GNG7: variants seen among roughly 807,000 people sequenced by gnomAD.
GNG7 encodes the protein guanine nucleotide-binding protein G(I)/G(S)/G(O) subunit gamma-7.
Under a neutral mutation model 4.0 loss-of-function variants are expected in GNG7, and 1 was observed. The ratio of observed to expected loss-of-function variants is 0.25; its 90% CI spans 0.09 to 1.18. The LOEUF (loss-of-function observed/expected upper bound fraction) is 1.18. Among genes scored for constraint, GNG7 ranks in the 50% most tolerant of loss-of-function variants. GNG7 has a pLI of 0.50. For missense variants in GNG7, 86 were observed against 91.9 expected, an observed-to-expected ratio of 0.94 and a Z score of 0.26; for synonymous variants, 34 against 36.9, an observed-to-expected ratio of 0.92 and a Z score of 0.29.
At chr19:2,650,022 C>T (rs1477895030) in intron 1 of GNG7, among the ~76,000 whole-genome samples, 1 of 152,016 alleles carries the variant, frequency 6.6e-6, no homozygotes, top group Non-Finnish European at 1.5e-5. Flanking sequence ...CATGCTGTGA[C>T]CTGTGTCAAA....
intron 2 of GNG7, among the ~76,000 whole-genome samples, chr19:2,616,203 G>C (rs1263333910): frequency 6.6e-6 from 1 of 152,158 alleles, no homozygotes; most frequent in East Asian, 1.9e-4. Context: ...GAGCTCAGGA[G>C]TTCAAAACCA....
chr19:2,542,178 G>C (rs929235565), intron 3 of GNG7, among the ~76,000 whole-genome samples: 1 of 142,792 alleles, frequency 7.0e-6, no homozygotes, highest in Admixed American at 7.4e-5. Flanking sequence ...GCAATGGCGT[G>C]ATCTCGGCTC....
chr19:2,550,910 G>T (rs1979296795), intron 3 of GNG7, among the ~76,000 whole-genome samples: 1 of 152,200 alleles, frequency 6.6e-6, no homozygotes, highest in Non-Finnish European at 1.5e-5. Context: ...GTCAGTGGTG[G>T]GGATGGCCCG....
At chr19:2,565,835 C>T (rs538260519) in intron 2 of GNG7, among the ~76,000 whole-genome samples, 156 of 152,190 alleles carry the variant, frequency 1.0e-3, no homozygotes, top group Middle Eastern at 6.8e-3. Context: ...CTGCAGGGGA[C>T]GGGCGGAATG....
chr19:2,546,699 G>A lies in GNG7; in HGVS notation c.-38+8450C>T, dbSNP rs1331708129. ...GCCGGCTTGTTCAGACAAAGAGGCC[G>A]CGACGACAGAGGGTGACGCGCCGCC... On this transcript the variant is annotated intron_variant, in intron 3 of 4. Transcript: ENST00000382159. The surrounding 1 kb of genome is among the most constrained non-coding windows in gnomAD (Gnocchi z 6.3). Among the ~76,000 whole-genome samples the A allele has an allele frequency of 2.0e-5, 3 of 152,178 alleles. No individual in the cohort carries two copies. The highest frequency in any genetic ancestry group is 6.5e-5 in the Admixed American group (1 of 15,270).
At chr19:2,641,427 A>G (rs1019822975) in intron 2 of GNG7, among the ~76,000 whole-genome samples, 1 of 151,932 alleles carries the variant, frequency 6.6e-6, no homozygotes, top group Non-Finnish European at 1.5e-5. Flanking sequence ...CAATGTCCTC[A>G]TAGCGTCCTC....
chr19:2,586,748 G>T (rs1599406841), intron 2 of GNG7, among the ~76,000 whole-genome samples: 1 of 152,048 alleles, frequency 6.6e-6, no homozygotes, highest in Non-Finnish European at 1.5e-5. Flanking sequence ...ACTTTGGGAG[G>T]CTGAGGTGGG....
chr19:2,526,108 C>A (rs1414516460), intron 3 of GNG7, among the ~76,000 whole-genome samples: 3 of 151,822 alleles, frequency 2.0e-5, no homozygotes, highest in East Asian at 1.9e-4. Flanking sequence ...GTAGCTGAGA[C>A]TACAGGCGCC....
At chr19:2,702,136 T>C (rs1157340614) in intron 1 of GNG7, among the ~76,000 whole-genome samples, 175 of 83,600 alleles carry the variant, frequency 2.1e-3, no homozygotes, top group Non-Finnish European at 2.3e-3. Flanking sequence ...GCAACTCCAG[T>C]CCCCTCCCCA....
chr19:2,559,139 T>TATAC (rs1555693801), intron 2 of GNG7, among the ~76,000 whole-genome samples: 10 of 151,412 alleles, frequency 6.6e-5, no homozygotes, highest in Admixed American at 1.3e-4. Context: ...TATATATATA[T>TATAC]ACACACACAC....
At chr19:2,564,407 C>G (rs1371802020) in intron 2 of GNG7, among the ~76,000 whole-genome samples, 1 of 152,034 alleles carries the variant, frequency 6.6e-6, no homozygotes, top group Non-Finnish European at 1.5e-5. Context: ...GTGGTGAAAC[C>G]CCATCTCTAC....
At chr19:2,695,708 G>A (rs2144914441) in intron 1 of GNG7, among the ~76,000 whole-genome samples, 1 of 152,238 alleles carries the variant, frequency 6.6e-6, no homozygotes, top group African/African-American at 2.4e-5. Context: ...GACTTGATAG[G>A]AGGCAGGGAA....
At chr19:2,558,966 T>C (rs1979652106) in intron 2 of GNG7, among the ~76,000 whole-genome samples, 3 of 151,734 alleles carry the variant, frequency 2.0e-5, no homozygotes, top group Admixed American at 6.6e-5. Context: ...TCTTGGCTAA[T>C]TTTTGTATTT....
chr19:2,665,408 C>T (rs1983284581), intron 1 of GNG7, among the ~76,000 whole-genome samples: 1 of 151,984 alleles, frequency 6.6e-6, no homozygotes, highest in African/African-American at 2.4e-5. Flanking sequence ...CAGTCCTCGC[C>T]ACACCCCACC....
chr19:2,643,282 A>C, intron 2 of GNG7: 1 of 419,080 alleles, frequency 2.4e-6, no homozygotes, highest in South Asian at 1.8e-5. Context: ...GCCCTGCACC[A>C]TGTGCACCGG....
intron 3 of GNG7, among the ~76,000 whole-genome samples, chr19:2,543,789 C>T (rs1225415811): frequency 6.6e-6 from 1 of 152,184 alleles, no homozygotes; most frequent in Admixed American, 6.5e-5. Flanking sequence ...AAAGCAGAGC[C>T]AGCCTTGTGT....
chr19:2,655,760 ACC>A (rs1405152584), intron 1 of GNG7, among the ~76,000 whole-genome samples: 6 of 149,184 alleles, frequency 4.0e-5, no homozygotes, highest in Admixed American at 6.7e-5. Context: ...AATGGCGTGA[ACC>A]CGGGAGGTGG....
intron 2 of GNG7, among the ~76,000 whole-genome samples, chr19:2,629,853 GC>G (rs1982112538): frequency 1.3e-5 from 2 of 152,190 alleles, no homozygotes; most frequent in Non-Finnish European, 2.9e-5. Context: ...GTGCGAAAGG[GC>G]ACAGAGCTTT....
At chr19:2,551,844 C>T (rs550281531) in intron 3 of GNG7, among the ~76,000 whole-genome samples, 266 of 151,902 alleles carry the variant, frequency 1.8e-3, no homozygotes, top group African/African-American at 6.0e-3. Context: ...TCACCACGCC[C>T]GGCTAATTTT....
Sources: gnomAD v4.1 joint callset for allele counts (sites outside exome capture counted in the v4.1 genomes callset) on GRCh38, gnomAD v4.1.1 for gene constraint, Gnocchi (gnomAD v3.1) non-coding constraint, MANE v1.5 for transcripts, NCBI Gene and HGNC (gene_info 2026-07-23, HGNC 2026-07-21) for gene names.